The following SGMS1 variants were observed in gnomAD, a reference collection of about 807,000 sequenced individuals.
SGMS1 encodes sphingomyelin synthase 1, also known as phosphatidylcholine:ceramide cholinephosphotransferase 1.
SGMS1 carries 13 observed loss-of-function variants against 46.2 expected under a neutral mutation model. The ratio of observed to expected loss-of-function variants is 0.28; its 90% CI spans 0.18 to 0.45. The LOEUF is 0.45. Among genes scored for constraint, SGMS1 ranks in the 20% least tolerant of loss-of-function variants. The pLI, the probability that SGMS1 is intolerant of heterozygous loss-of-function variation, is 1.00. For missense variants in SGMS1, 324 were observed against 519.9 expected (o/e 0.62, Z 3.66); for synonymous variants, 203 against 187.8 (o/e 1.08, Z -0.66).
intron 3 of SGMS1, among the ~76,000 whole-genome samples, chr10:50,496,569 T>C (rs1292619258): frequency 6.6e-6 from 1 of 152,186 alleles, no homozygotes; most frequent in Non-Finnish European, 1.5e-5. Context: ...CACTTAATAA[T>C]GTCCAGAAGC....
intron 2 of SGMS1, among the ~76,000 whole-genome samples, chr10:50,583,755 C>T (rs935731067): frequency 2.0e-5 from 3 of 152,188 alleles, no homozygotes; most frequent in Non-Finnish European, 4.4e-5. Flanking sequence ...AGTTTTCTGT[C>T]ACTTGCAACC....
At chr10:50,498,475 A>G (rs1837634750) in intron 3 of SGMS1, among the ~76,000 whole-genome samples, 1 of 151,962 alleles carries the variant, frequency 6.6e-6, no homozygotes, top group Non-Finnish European at 1.5e-5. Context: ...TTAAACAGTA[A>G]CTCCCCTCTC....
chr10:50,525,978 G>A (rs1309430238), intron 2 of SGMS1, among the ~76,000 whole-genome samples: 1 of 152,174 alleles, frequency 6.6e-6, no homozygotes, highest in Admixed American at 6.5e-5. Context: ...CTCAGAAGTT[G>A]CGATAATAAT....
intron 5 of SGMS1, among the ~76,000 whole-genome samples, chr10:50,435,715 C>T (rs1265702696): frequency 6.6e-6 from 1 of 152,148 alleles, no homozygotes; most frequent in African/African-American, 2.4e-5. Flanking sequence ...ACATCACAGA[C>T]TCATAAGCAA....
chr10:50,468,743 A>G (rs1271480744), intron 3 of SGMS1, among the ~76,000 whole-genome samples: 1 of 152,238 alleles, frequency 6.6e-6, no homozygotes, highest in Non-Finnish European at 1.5e-5. Context: ...AGCAGGGGCC[A>G]AAATAGGAAC....
At chr10:50,498,279 C>T (rs1837632252) in intron 3 of SGMS1, among the ~76,000 whole-genome samples, 1 of 152,220 alleles carries the variant, frequency 6.6e-6, no homozygotes, top group African/African-American at 2.4e-5. Flanking sequence ...CCAATCACTT[C>T]AATCCTTATT....
intron 1 of SGMS1, among the ~76,000 whole-genome samples, chr10:50,599,724 A>C (rs779989811): frequency 3.1e-4 from 47 of 152,074 alleles, no homozygotes; most frequent in Non-Finnish European, 5.7e-4. Context: ...TTAGCTGGGC[A>C]TGGTGGCACG....
chr10:50,578,251 C>T (rs973969403), intron 2 of SGMS1, among the ~76,000 whole-genome samples: 4 of 152,316 alleles, frequency 2.6e-5, no homozygotes, highest in Admixed American at 2.6e-4. Flanking sequence ...TACAGCCCCG[C>T]TCCCTTTGCG....
intron 1 of SGMS1, among the ~76,000 whole-genome samples, chr10:50,622,561 G>C (rs1207359308): frequency 6.6e-6 from 1 of 152,184 alleles, no homozygotes; most frequent in African/African-American, 2.4e-5. Flanking sequence ...AATGTCAAGG[G>C]AGCTAAAATA....
intron 6 of SGMS1, among the ~76,000 whole-genome samples, chr10:50,424,392 C>A (rs1849295177): frequency 6.6e-6 from 1 of 151,446 alleles, no homozygotes; most frequent in African/African-American, 2.4e-5. Context: ...TCAATAGTAT[C>A]TTCATAAAAA....
At chr10:50,401,418 G>A (rs1260705275) in intron 6 of SGMS1, among the ~76,000 whole-genome samples, 1 of 152,140 alleles carries the variant, frequency 6.6e-6, no homozygotes, top group African/African-American at 2.4e-5. Context: ...GAATACTGAG[G>A]CTCGGAGAGA....
At chr10:50,435,048 G>A (rs1849457423) in intron 5 of SGMS1, among the ~76,000 whole-genome samples, 1 of 152,176 alleles carries the variant, frequency 6.6e-6, no homozygotes, top group Admixed American at 6.5e-5. Flanking sequence ...AAGAGGAACA[G>A]ATTCATTGGC....
intron 6 of SGMS1, among the ~76,000 whole-genome samples, chr10:50,360,766 A>G (rs1370009730): frequency 6.6e-6 from 1 of 152,224 alleles, no homozygotes; most frequent in Non-Finnish European, 1.5e-5. Flanking sequence ...GGCTATTTCT[A>G]TCACACAACA....
At chr10:50,604,613 T>C (rs1407643997) in intron 1 of SGMS1, among the ~76,000 whole-genome samples, 14 of 152,256 alleles carry the variant, frequency 9.2e-5, no homozygotes, top group Admixed American at 5.2e-4. Flanking sequence ...GTTTCAAGGT[T>C]ATTCTTTGGA....
In SGMS1 at chr10:50,502,306, G is replaced by GGAA. The variant is rs1554945007; in HGVS notation, c.-498+17524_-498+17525insTTC. Among the ~76,000 whole-genome samples the GGAA allele has an allele frequency of 2.1e-4, 28 of 130,966 alleles. No homozygotes were observed. In the East Asian group the frequency reaches 4.4e-3, roughly 21 times the overall value. The allele number at this position is 130,966 out of a possible 152,430, so 85.9% of individuals were successfully genotyped here. A position where few individuals can be genotyped will look rare whatever the true frequency, so the allele number is the denominator to read the frequency against. ...CAAAGATGATTTACAAATGAGGAAA[G>GGAA]AAAAAAAAAAAAAAAAACCAGCACA... On this transcript the variant is annotated intron_variant, in intron 3 of 10. Coordinates refer to ENST00000361781, the MANE Select transcript of SGMS1 (RefSeq NM_147156.4).
At chr10:50,485,180 T>A (rs1469777208) in intron 3 of SGMS1, among the ~76,000 whole-genome samples, 1 of 152,226 alleles carries the variant, frequency 6.6e-6, no homozygotes, top group East Asian at 1.9e-4. Flanking sequence ...CTTAAGCTGA[T>A]AAGCAACTTC....
At chr10:50,391,776 T>C (rs905128819) in intron 6 of SGMS1, among the ~76,000 whole-genome samples, 1 of 146,634 alleles carries the variant, frequency 6.8e-6, no homozygotes. Context: ...TAAATGTCCA[T>C]CAATGATAGA....
intron 6 of SGMS1, among the ~76,000 whole-genome samples, chr10:50,432,929 CA>C (rs886534563): frequency 3.9e-5 from 6 of 152,126 alleles, no homozygotes; most frequent in African/African-American, 1.4e-4. Context: ...ACAGTGAAAC[CA>C]AAATCAACCA....
intron 5 of SGMS1, chr10:50,460,255 A>G (rs1161452254): frequency 2.0e-5 from 3 of 152,262 alleles, no homozygotes; most frequent in African/African-American, 7.2e-5. Flanking sequence ...ATACAACCAC[A>G]TCCAATCAGA....
Sources: allele counts gnomAD v4.1 joint callset (sites outside exome capture counted in the v4.1 genomes callset), GRCh38; gene constraint gnomAD v4.1.1; transcripts MANE v1.5; gene names NCBI Gene and HGNC (gene_info 2026-07-23, HGNC 2026-07-21).